The following IFT81 variants were observed in gnomAD, a reference collection of about 807,000 sequenced individuals.
IFT81 encodes intraflagellar transport 81.
A neutral mutation model predicts 102.6 loss-of-function variants in IFT81; 72 were observed. The observed-to-expected ratio is 0.70, with a 90% confidence interval of 0.58 to 0.85. The LOEUF is 0.85. IFT81 is among the 40% of genes least tolerant of loss of function. IFT81 has a pLI of 0.00. For missense variants in IFT81, 723 were observed against 787.3 expected (o/e 0.92, Z 0.98); for synonymous variants, 237 against 242.7 (o/e 0.98, Z 0.22).
At chr12:110,158,958 G>A (rs1305738311) in intron 10 of IFT81, among the ~76,000 whole-genome samples, 4 of 151,846 alleles carry the variant, frequency 2.6e-5, no homozygotes, top group African/African-American at 7.3e-5. Flanking sequence ...TCCTGACCTC[G>A]TGATCCGCCC....
intron 1 of IFT81, among the ~76,000 whole-genome samples, chr12:110,126,004 C>A (rs1340004772): frequency 6.6e-6 from 1 of 152,100 alleles, no homozygotes; most frequent in African/African-American, 2.4e-5. Flanking sequence ...ATCGGCCAGG[C>A]GCGGTGGCTC....
intron 18 of IFT81, among the ~76,000 whole-genome samples, chr12:110,210,323 T>A (rs1175922527): frequency 6.6e-6 from 1 of 152,162 alleles, no homozygotes; most frequent in Non-Finnish European, 1.5e-5. Flanking sequence ...ATTACCTAGA[T>A]TGATTTAGAT....
chr12:110,164,998 A>G (rs1896355991), intron 11 of IFT81, among the ~76,000 whole-genome samples: 1 of 151,968 alleles, frequency 6.6e-6, no homozygotes, highest in Non-Finnish European at 1.5e-5. Context: ...TGTTCCCTCT[A>G]TGCAAATGTG....
At chr12:110,214,117 C>T (rs957174101) in intron 18 of IFT81, among the ~76,000 whole-genome samples, 6 of 152,082 alleles carry the variant, frequency 3.9e-5, no homozygotes, top group Non-Finnish European at 8.8e-5. Flanking sequence ...CCTTATTTCA[C>T]TTATGGGATG....
At chr12:110,179,807 T>A (rs938181841) in intron 11 of IFT81, among the ~76,000 whole-genome samples, 1 of 86,940 alleles carries the variant, frequency 1.2e-5, no homozygotes, top group Non-Finnish European at 2.5e-5. Context: ...CACACACACA[T>A]TTTATATGTA....
intron 11 of IFT81, among the ~76,000 whole-genome samples, chr12:110,174,277 CAAAAAAAAAAAAA>C (rs61353726): frequency 3.1e-4 from 11 of 35,256 alleles, no homozygotes; most frequent in South Asian, 1.6e-3. Flanking sequence ...GACTCCGTCT[CAAAAAAAAAAAAA>C]AAAAAAAAAA....
chr12:110,206,387 T>G (rs1380497550), intron 17 of IFT81, among the ~76,000 whole-genome samples: 1 of 152,250 alleles, frequency 6.6e-6, no homozygotes, highest in Admixed American at 6.5e-5. Context: ...AACATAAGCC[T>G]TCTTTGCTCC....
At chr12:110,162,865 A>T in intron 10 of IFT81, 54 bp from the exon 11 acceptor site, 1 of 1,417,476 alleles carries the variant, frequency 7.1e-7, no homozygotes, top group Non-Finnish European at 9.7e-7. Context: ...TTCACAAGAT[A>T]ATAGAAAGTT....
At chr12:110,163,432 A>G (rs1896254138) in intron 11 of IFT81, among the ~76,000 whole-genome samples, 1 of 151,604 alleles carries the variant, frequency 6.6e-6, no homozygotes, top group Admixed American at 6.6e-5. Flanking sequence ...GTAGAGACAG[A>G]GTTTTACCAT....
At position 110,160,144 on chromosome 12, in the gene IFT81, C is replaced by G. The variant is rs1045104619; in HGVS notation, c.1042-2775C>G. On this transcript the variant is annotated intron_variant, in intron 10 of 18. Transcript: ENST00000242591. ...ATTAGTCAGGGTTATCCTAATCAACCATATATCCTATTGGTTAGTCAGAAC... is the reference window on the plus strand; with the variant it reads ...ATTAGTCAGGGTTATCCTAATCAACGATATATCCTATTGGTTAGTCAGAAC... Among the ~76,000 whole-genome samples the G allele has an allele frequency of 2.6e-5, 4 of 152,190 alleles. 1 individual carries two copies. The highest frequency in any genetic ancestry group is 9.6e-5 in the African/African-American group (4 of 41,512).
intron 18 of IFT81, among the ~76,000 whole-genome samples, chr12:110,211,483 G>C (rs939168624): frequency 6.6e-6 from 1 of 152,086 alleles, no homozygotes; most frequent in East Asian, 1.9e-4. Flanking sequence ...GAGCCACCTC[G>C]TCTGGCCTTA....
Position 110,136,880 on chromosome 12 carries a change from TG to T in IFT81, c.781+22del. On this transcript the variant is annotated intron_variant, in intron 8 of 18. Transcript: ENST00000242591. ...CTGAAAGTAAGTGGAAATTATTATA[TG>T]GTATAGATGATTAGAAAATATTAAT... The T allele has an allele frequency of 7.1e-7, 1 of 1,404,848 alleles. No individual in the cohort carries two copies. Among genetic ancestry groups the T allele is most frequent in the Middle Eastern group, 1.8e-4 (1 of 5,610 alleles). 87.0% of individuals were successfully genotyped at this position (1,404,848 alleles called of 1,614,324 possible). A position where few individuals can be genotyped will look rare whatever the true frequency, so the allele number is the denominator to read the frequency against.
At chr12:110,200,030 A>G (rs537285939) in intron 14 of IFT81, among the ~76,000 whole-genome samples, 1 of 152,204 alleles carries the variant, frequency 6.6e-6, no homozygotes, top group Non-Finnish European at 1.5e-5. Flanking sequence ...GACCATTCCC[A>G]ATTCCTTTCA....
In IFT81 at chr12:110,169,522, T is replaced by C. The variant is rs1468032643; in HGVS notation, c.1188+6457T>C. ...CCAATGAATGGTGATTAGAATGAAATATTTGATTGACTTCAGAGAAAAATG... is the reference window on the plus strand; with the variant it reads ...CCAATGAATGGTGATTAGAATGAAACATTTGATTGACTTCAGAGAAAAATG... On this transcript the variant is annotated intron_variant, in intron 11 of 18. Coordinates refer to ENST00000242591, the MANE Select transcript of IFT81 (RefSeq NM_014055.4). Among the ~76,000 whole-genome samples, 3 of 152,112 alleles carry C rather than the reference T, an allele frequency of 2.0e-5. 1 individual carries two copies. The highest frequency in any genetic ancestry group is 2.9e-5 in the Non-Finnish European group (2 of 68,018).
intron 14 of IFT81, among the ~76,000 whole-genome samples, chr12:110,199,040 C>T (rs1593365306): frequency 1.3e-5 from 2 of 152,044 alleles, no homozygotes. Flanking sequence ...AACTCCTGAC[C>T]TCAAGTGATC....
At chr12:110,173,320 A>AC (rs1402492125) in intron 11 of IFT81, among the ~76,000 whole-genome samples, 4 of 71,450 alleles carry the variant, frequency 5.6e-5, no homozygotes, top group African/African-American at 2.2e-4. Context: ...CCGGCCAGCC[A>AC]CCCCGTCCGG....
intron 1 of IFT81, among the ~76,000 whole-genome samples, chr12:110,125,584 C>A (rs1439609884): frequency 6.6e-6 from 1 of 151,890 alleles, no homozygotes; most frequent in South Asian, 2.1e-4. Context: ...TAGTAGAGAC[C>A]GGGTTTCACC....
intron 10 of IFT81, among the ~76,000 whole-genome samples, chr12:110,152,838 G>T (rs1215416402): frequency 1.3e-5 from 2 of 152,000 alleles, no homozygotes; most frequent in African/African-American, 4.8e-5. Flanking sequence ...AGATCCTCCC[G>T]CCTGGACTTC....
chr12:110,216,568 A>T, intron 18 of IFT81: 1 of 453,242 alleles, frequency 2.2e-6, no homozygotes, highest in South Asian at 1.6e-5. Flanking sequence ...CCCAGGCTGG[A>T]GTGCAGTGGC....
Sources: gnomAD v4.1 joint callset for allele counts (sites outside exome capture counted in the v4.1 genomes callset) on GRCh38, gnomAD v4.1.1 for gene constraint, MANE v1.5 for transcripts, NCBI Gene and HGNC (gene_info 2026-07-23, HGNC 2026-07-21) for gene names.